The following LRCH3 variants were observed in gnomAD, a reference collection of about 807,000 sequenced individuals.
LRCH3 encodes the protein leucine rich repeats and calponin homology domain containing 3, also known as DISP complex protein LRCH3.
A neutral mutation model predicts 104.5 loss-of-function variants in LRCH3; 68 were observed. The observed-to-expected ratio is 0.65, with a 90% CI of 0.54 to 0.80. The LOEUF (loss-of-function observed/expected upper bound fraction) is 0.80. Among genes scored for constraint, LRCH3 ranks in the 30% least tolerant of loss-of-function variants. The pLI, the probability that LRCH3 is intolerant of heterozygous loss-of-function variation, is 0.00. For missense variants in LRCH3, 951 were observed against 953.9 expected (o/e 1.00, Z 0.04); for synonymous variants, 344 against 361.3 (o/e 0.95, Z 0.54).
intron 1 of LRCH3, among the ~76,000 whole-genome samples, chr3:197,795,991 A>C (rs1419356347): frequency 6.6e-6 from 1 of 152,106 alleles, no homozygotes; most frequent in Non-Finnish European, 1.5e-5. Context: ...GCACCCGGCC[A>C]GAATTTTTTG....
chr3:197,850,849 T>C (rs1223737849), intron 12 of LRCH3: 5 of 1,011,966 alleles, frequency 4.9e-6, no homozygotes, highest in Admixed American at 1.7e-5. Flanking sequence ...ATACCCTTGG[T>C]GGCCTGAGCA....
chr3:197,831,594 T>C (rs1735943190), intron 7 of LRCH3, among the ~76,000 whole-genome samples: 1 of 152,084 alleles, frequency 6.6e-6, no homozygotes, highest in Non-Finnish European at 1.5e-5. Context: ...TCAATACAGA[T>C]ATATATGTAG....
chr3:197,860,025 G>T (rs77776017), intron 15 of LRCH3, among the ~76,000 whole-genome samples: 18,437 of 152,118 alleles, frequency 0.12, 1,216 homozygotes, highest in African/African-American at 0.17. Flanking sequence ...ATTTTGCTCA[G>T]TATCCACTGG....
At chr3:197,870,518 A>G (rs992915673) in intron 18 of LRCH3, among the ~76,000 whole-genome samples, 2 of 152,078 alleles carry the variant, frequency 1.3e-5, no homozygotes, top group Non-Finnish European at 2.9e-5. Context: ...GGCGCCCATC[A>G]CTGCACCCAG....
intron 15 of LRCH3, among the ~76,000 whole-genome samples, chr3:197,864,383 G>A (rs1178632089): frequency 1.3e-4 from 19 of 149,198 alleles, no homozygotes; most frequent in Non-Finnish European, 2.1e-4. Context: ...CGAGGCAGGC[G>A]AATCACCTGA....
In LRCH3 at chr3:197,879,968, C is replaced by T. The variant is rs377289073; in HGVS notation, c.2209-3573C>T. On this transcript the variant is annotated intron_variant, in intron 20 of 20. Transcript: ENST00000425562. ...TTGTATTTTTTTTTTTTTTTTGAGA[C>T]GGAGTCTCGCTCTGTCACCCAGGCT... Among the ~76,000 whole-genome samples the T allele has an allele frequency of 5.4e-3, 793 of 146,642 alleles. 9 individuals are homozygous for T. Among genetic ancestry groups the T allele is most frequent in the African/African-American group, 0.014 (560 of 38,982 alleles).
chr3:197,837,750 A>G (rs1430616634), intron 9 of LRCH3, among the ~76,000 whole-genome samples: 2 of 152,098 alleles, frequency 1.3e-5, no homozygotes, highest in African/African-American at 2.4e-5. Context: ...TTGCAGTATC[A>G]TAAAACTAGG....
intron 12 of LRCH3, among the ~76,000 whole-genome samples, chr3:197,849,992 A>T (rs1213405302): frequency 6.6e-6 from 1 of 152,204 alleles, no homozygotes; most frequent in East Asian, 1.9e-4. Context: ...GTATCATCAG[A>T]ATTGACCTCA....
chr3:197,839,100 T>G (rs1737390623), intron 9 of LRCH3, among the ~76,000 whole-genome samples: 1 of 152,248 alleles, frequency 6.6e-6, no homozygotes, highest in Non-Finnish European at 1.5e-5. Flanking sequence ...ATCTACTTTC[T>G]TATAAAATAA....
rs562755417 is a variant in LRCH3 at position 197,881,964 on chromosome 3, T to G, written c.2209-1577T>G. ...AATGCTGAAACACTCAACACTGTGA[T>G]GATGAAAACTTCAGTTTTCTGTGTC... On this transcript the variant is annotated intron_variant, in intron 20 of 20. Transcript: ENST00000425562. 4.9e-5 allele frequency: 48 copies of G among 985,454 alleles called. No individual in the cohort carries two copies. In the South Asian group the frequency reaches 2.1e-3, roughly 42 times the overall value. The allele number at this position is 985,454 out of a possible 1,614,324, so 61.0% of individuals were successfully genotyped here.
chr3:197,838,199 T>C (rs1737171801), intron 9 of LRCH3, among the ~76,000 whole-genome samples: 2 of 152,370 alleles, frequency 1.3e-5, no homozygotes, highest in South Asian at 4.1e-4. Context: ...GTAGGAAGAC[T>C]GCTTGAGCCC....
At chr3:197,839,449 T>TA in intron 10 of LRCH3, 52 bp downstream of exon 10, 1 of 1,223,620 alleles carries the variant, frequency 8.2e-7, no homozygotes, top group South Asian at 1.4e-5. Flanking sequence ...CATGAGAGCA[T>TA]AAAGTAATTT....
At chr3:197,827,059 A>G in intron 5 of LRCH3, 45 bp downstream of exon 5, 1 of 1,564,650 alleles carries the variant, frequency 6.4e-7, no homozygotes, top group Admixed American at 1.9e-5. Flanking sequence ...TGGAAGCATC[A>G]GGTAAACCAC....
In LRCH3 at chr3:197,832,287, C is replaced by T. The variant is rs1560554834; in HGVS notation, c.1072C>T (p.Arg358Cys). 11 of 1,613,546 alleles carry T rather than the reference C, an allele frequency of 6.8e-6. No individual in the cohort carries two copies. Among genetic ancestry groups the T allele is most frequent in the African/African-American group, 1.3e-5 (1 of 74,886 alleles). ...LRRESQYQENRGSLVVTNGGV... is the reference protein window; with the variant it reads ...LRRESQYQENCGSLVVTNGGV... ...AAGAGAAAGCCAGTACCAAGAGAAC[C>T]GCGGCAGTTTGGTAGTAACAAACGG... Residue 358 changes from arginine (R) to cysteine (C), a missense_variant, in exon 8 of 21, where the codon CGC becomes TGC. Coordinates refer to ENST00000425562, the MANE Select transcript of LRCH3 (RefSeq NM_001365715.1).
chr3:197,853,693 C>G (rs1739921847), intron 13 of LRCH3, among the ~76,000 whole-genome samples: 1 of 152,032 alleles, frequency 6.6e-6, no homozygotes, highest in African/African-American at 2.4e-5. Context: ...TTTCAATTGT[C>G]CATTAGAAAG....
chr3:197,808,402 C>T (rs143189136), intron 1 of LRCH3, among the ~76,000 whole-genome samples: 1,766 of 152,280 alleles, frequency 0.012, 15 homozygotes, highest in Non-Finnish European at 0.017. Context: ...CAAACTCATA[C>T]GCTGTGTCCT....
chr3:197,838,125 T>C (rs1737146843), intron 9 of LRCH3, among the ~76,000 whole-genome samples: 1 of 151,834 alleles, frequency 6.6e-6, no homozygotes, highest in Non-Finnish European at 1.5e-5. Context: ...GTGTTTATTG[T>C]TTAAAGTGGT....
chr3:197,827,790 A>T (rs1252116976), intron 5 of LRCH3, among the ~76,000 whole-genome samples: 1 of 152,018 alleles, frequency 6.6e-6, no homozygotes, highest in Non-Finnish European at 1.5e-5. Flanking sequence ...CATAAATGCT[A>T]GAGACAGGCC....
intron 15 of LRCH3, 98 bp from the exon 16 acceptor site, chr3:197,865,325 T>TA (rs1476693216): frequency 2.6e-5 from 21 of 811,906 alleles, no homozygotes; most frequent in Non-Finnish European, 5.9e-6. Context: ...GAAGGAGAGT[T>TA]ACCTGTTTTT....
Sources: allele counts gnomAD v4.1 joint callset (sites outside exome capture counted in the v4.1 genomes callset), GRCh38; gene constraint gnomAD v4.1.1; transcripts MANE v1.5; gene names NCBI Gene and HGNC (gene_info 2026-07-23, HGNC 2026-07-21).